SLC38A9: variants seen among roughly 807,000 people sequenced by gnomAD.
SLC38A9 encodes neutral amino acid transporter 9.
In SLC38A9, 48 loss-of-function variants were observed where a neutral mutation model predicts 62.3. The ratio of observed to expected loss-of-function variants is 0.77; its 90% confidence interval spans 0.61 to 0.98. The LOEUF (loss-of-function observed/expected upper bound fraction) is 0.98, where lower values mean the gene tolerates loss of function less well. SLC38A9 is among the 50% of genes least tolerant of loss of function. The pLI, the probability that SLC38A9 is intolerant of heterozygous loss-of-function variation, is 0.00. For missense variants in SLC38A9, 541 were observed against 679.8 expected (o/e 0.80, Z 2.27); for synonymous variants, 204 against 227.7 (o/e 0.90, Z 0.94).
intron 8 of SLC38A9, among the ~76,000 whole-genome samples, chr5:55,658,777 A>T (rs1007981222): frequency 1.4e-4 from 22 of 152,222 alleles, no homozygotes; most frequent in African/African-American, 4.8e-4. Context: ...ACAGCATGAA[A>T]AAGAAAAACC....
chr5:55,663,170 C>T (rs905988436), intron 8 of SLC38A9, among the ~76,000 whole-genome samples: 22 of 151,740 alleles, frequency 1.4e-4, no homozygotes, highest in African/African-American at 5.3e-4. Context: ...GCTGCGATTA[C>T]AGGCGTGGGC....
In SLC38A9 at chr5:55,678,615, C is replaced by T. The variant is rs79818066; in HGVS notation, c.114-5920G>A. On this transcript the variant is annotated intron_variant, in intron 3 of 15. Coordinates refer to ENST00000396865, the MANE Select transcript of SLC38A9 (RefSeq NM_173514.4). The stretch of plus-strand genomic sequence containing the variant: ...ATGCAAATTTCAACAAAAAACATCA[C>T]ATGTAATTGTTGGATAAGACTGAAA... Among the ~76,000 whole-genome samples, 1,319 of 142,342 alleles carry T rather than the reference C, an allele frequency of 9.3e-3. 12 individuals carry two copies. Among genetic ancestry groups the T allele is most frequent in the Middle Eastern group, 0.016 (4 of 258 alleles). The allele number at this position is 142,342 out of a possible 152,430, so 93.4% of individuals were successfully genotyped here.
chr5:55,646,358 G>A (rs370306080), intron 11 of SLC38A9, among the ~76,000 whole-genome samples: 2 of 152,010 alleles, frequency 1.3e-5, no homozygotes, highest in East Asian at 1.9e-4. Context: ...GTGAAAGAGC[G>A]AGACTCCATC....
At chr5:55,669,380 G>T in intron 6 of SLC38A9, 59 bp from the exon 7 acceptor site, 2 of 1,448,408 alleles carry the variant, frequency 1.4e-6, no homozygotes, top group Non-Finnish European at 1.9e-6. Context: ...AAATTCATAT[G>T]CAATTATTTT....
At chr5:55,647,182 TTTTTA>T (rs1261391416) in intron 11 of SLC38A9, among the ~76,000 whole-genome samples, 1 of 86,672 alleles carries the variant, frequency 1.2e-5, no homozygotes, top group African/African-American at 3.5e-5. Flanking sequence ...TTTATTTTAT[TTTTTA>T]TTTTTTTTTG....
chr5:55,628,208 CA>C (rs946923614), intron 14 of SLC38A9, among the ~76,000 whole-genome samples: 190 of 152,198 alleles, frequency 1.2e-3, no homozygotes, highest in African/African-American at 4.4e-3. Flanking sequence ...TGTAGAAGTA[CA>C]CTGGTAGTGT....
chr5:55,687,211 G>C (rs894348347), intron 3 of SLC38A9, among the ~76,000 whole-genome samples: 2 of 150,674 alleles, frequency 1.3e-5, no homozygotes, highest in African/African-American at 4.9e-5. Flanking sequence ...AGGCCGAGGC[G>C]GGCGGATCAC....
intron 2 of SLC38A9, among the ~76,000 whole-genome samples, chr5:55,706,429 A>G (rs1757308625): frequency 6.6e-6 from 1 of 152,228 alleles, no homozygotes; most frequent in Non-Finnish European, 1.5e-5. Flanking sequence ...AGAAACCAGG[A>G]AAGAGGAGAA....
chr5:55,656,206 T>C (rs937446225), intron 9 of SLC38A9, among the ~76,000 whole-genome samples: 2 of 151,244 alleles, frequency 1.3e-5, no homozygotes, highest in East Asian at 1.9e-4. Flanking sequence ...TATTGCTTGG[T>C]TGTATTAATA....
At chr5:55,681,566 C>T (rs1471881381) in intron 3 of SLC38A9, among the ~76,000 whole-genome samples, 1 of 152,174 alleles carries the variant, frequency 6.6e-6, no homozygotes, top group Non-Finnish European at 1.5e-5. Flanking sequence ...TTAGGAGAGG[C>T]TGGAGACTGT....
At position 55,669,304 on chromosome 5, in the gene SLC38A9, T is replaced by A; in HGVS notation, c.450A>T (p.Gly150=). 6.2e-7 allele frequency: 1 copy of A among 1,612,570 alleles called. No homozygotes were observed. The highest frequency in any genetic ancestry group is 8.5e-7 in the Non-Finnish European group (1 of 1,179,464). Reference sequence around the variant, plus strand: ...GGCCCATCAGTATGATGACACACATTCCAGTAGTAAATCCAGCCTGTTTAA... The same window carrying A: ...GGCCCATCAGTATGATGACACACATACCAGTAGTAAATCCAGCCTGTTTAA... ...WGIKQAGFTT[G]MCVIILMGLL... The change falls in exon 7 of 16, where the codon GGA becomes GGT. Residue 150 remains glycine, a synonymous_variant. Transcript: ENST00000396865.
At chr5:55,675,550 G>GA (rs1198831142) in intron 3 of SLC38A9, among the ~76,000 whole-genome samples, 5 of 152,116 alleles carry the variant, frequency 3.3e-5, no homozygotes, top group Non-Finnish European at 5.9e-5. Flanking sequence ...TAAGACTTTT[G>GA]AAACTTGGGC....
At chr5:55,657,490 G>GTT (rs34646167) in intron 8 of SLC38A9, among the ~76,000 whole-genome samples, 1,740 of 147,396 alleles carry the variant, frequency 0.012, 32 homozygotes, top group African/African-American at 0.04. Context: ...GAAAATCAAA[G>GTT]TTTTTTTTTT....
chr5:55,692,011 T>C (rs1296205527), intron 3 of SLC38A9, among the ~76,000 whole-genome samples: 2 of 152,176 alleles, frequency 1.3e-5, no homozygotes, highest in South Asian at 4.1e-4. Flanking sequence ...GTGGAAGAGA[T>C]AGAAAACCAC....
intron 15 of SLC38A9, 30 bp from the exon 16 acceptor site, chr5:55,626,689 T>C (rs1273154929): frequency 6.4e-7 from 1 of 1,565,588 alleles, no homozygotes; most frequent in Non-Finnish European, 8.6e-7. Context: ...GGGGTTAATA[T>C]TCATCTTGCA....
At chr5:55,630,537 C>T (rs1424123824) in intron 14 of SLC38A9, among the ~76,000 whole-genome samples, 2 of 152,154 alleles carry the variant, frequency 1.3e-5, no homozygotes, top group Non-Finnish European at 1.5e-5. Context: ...AGGATGGTCT[C>T]GATCTCCTGA....
chr5:55,705,044 G>T (rs1171820510), intron 2 of SLC38A9, among the ~76,000 whole-genome samples: 1 of 152,122 alleles, frequency 6.6e-6, no homozygotes, highest in Non-Finnish European at 1.5e-5. Flanking sequence ...TTACTCGTTG[G>T]AAGGACATAC....
At chr5:55,664,973 T>G in intron 7 of SLC38A9, 110 bp from the exon 8 acceptor site, 1 of 563,020 alleles carries the variant, frequency 1.8e-6, no homozygotes, top group Non-Finnish European at 3.0e-6. Flanking sequence ...TTATGGGTAT[T>G]CTATCGCTAG....
chr5:55,680,892 G>A (rs1428376592), intron 3 of SLC38A9, among the ~76,000 whole-genome samples: 1 of 152,228 alleles, frequency 6.6e-6, no homozygotes, highest in Non-Finnish European at 1.5e-5. Flanking sequence ...GTCGCATTCT[G>A]CAGATCAATC....
Sources: gnomAD v4.1 joint callset for allele counts (sites outside exome capture counted in the v4.1 genomes callset) on GRCh38, gnomAD v4.1.1 for gene constraint, MANE v1.5 for transcripts, NCBI Gene and HGNC (gene_info 2026-07-23, HGNC 2026-07-21) for gene names.